CELF4: variants seen among roughly 807,000 people sequenced by gnomAD.
CELF4 encodes the protein CUG-BP- and ETR-3-like factor 4.
CELF4 carries 18 observed loss-of-function variants against 59.9 expected under a neutral mutation model. The observed-to-expected ratio is 0.30, with a 90% CI of 0.21 to 0.45. CELF4 has a LOEUF of 0.45. Ranked by LOEUF, CELF4 falls within the 20% of genes least tolerant of loss-of-function variation. The pLI, the probability that CELF4 is intolerant of heterozygous loss-of-function variation, is 1.00. For missense variants in CELF4, 456 were observed against 689.0 expected, an observed-to-expected ratio of 0.66 and a Z score of 3.79; for synonymous variants, 261 against 267.1, an observed-to-expected ratio of 0.98 and a Z score of 0.22.
In CELF4 at chr18:37,419,438, G is replaced by A. The variant is rs145594882; in HGVS notation, c.369+66087C>T. Among the ~76,000 whole-genome samples the A allele has an allele frequency of 2.2e-3, 334 of 152,280 alleles. 7 individuals carry two copies. Among genetic ancestry groups the A allele is most frequent in the Admixed American group, 0.019 (285 of 15,304 alleles). On this transcript the variant is annotated intron_variant, in intron 2 of 12. Coordinates refer to ENST00000420428, the MANE Select transcript of CELF4 (RefSeq NM_020180.4). ...CCAGAGTTGAGGTATGCGACTGCAG[G>A]GAAACCTCACCCCCTGAGCACCTGC...
chr18:37,349,393 G>A (rs1020610559), intron 2 of CELF4, among the ~76,000 whole-genome samples: 6 of 152,218 alleles, frequency 3.9e-5, no homozygotes, highest in African/African-American at 1.2e-4. Flanking sequence ...GAGATGCGAT[G>A]CCTTCCCTAC....
intron 10 of CELF4, among the ~76,000 whole-genome samples, chr18:37,261,659 G>A (rs2154307794): frequency 6.6e-6 from 1 of 152,370 alleles, no homozygotes; most frequent in South Asian, 2.1e-4. Flanking sequence ...CCAGCCTTCT[G>A]AGAAATGGTG....
chr18:37,466,967 G>A (rs2099810677), intron 2 of CELF4, among the ~76,000 whole-genome samples: 1 of 152,178 alleles, frequency 6.6e-6, no homozygotes, highest in African/African-American at 2.4e-5. Flanking sequence ...ACGGGTGGGG[G>A]AGTCAGAAGC....
intron 3 of CELF4, among the ~76,000 whole-genome samples, chr18:37,293,450 C>T (rs75638940): frequency 0.029 from 4,341 of 152,262 alleles, 202 homozygotes; most frequent in African/African-American, 0.1. Context: ...TTTCTTTCCT[C>T]TTCTAAGGAT....
At chr18:37,540,939 A>G (rs2099977344) in intron 1 of CELF4, among the ~76,000 whole-genome samples, 1 of 150,936 alleles carries the variant, frequency 6.6e-6, no homozygotes, top group African/African-American at 2.4e-5. Context: ...CTGGAGGTGG[A>G]GTGGGGGCAT....
At chr18:37,318,653 G>A (rs1392769438) in intron 3 of CELF4, among the ~76,000 whole-genome samples, 1 of 120,296 alleles carries the variant, frequency 8.3e-6, no homozygotes, top group Non-Finnish European at 1.5e-5. Context: ...ACTTTCTACT[G>A]CAAGAAGAAT....
At chr18:37,564,436 A>G (rs2154606418) in intron 1 of CELF4, among the ~76,000 whole-genome samples, 1 of 152,234 alleles carries the variant, frequency 6.6e-6, no homozygotes, top group East Asian at 1.9e-4. Flanking sequence ...CACTTTCCTA[A>G]AAAGTTGCTG....
intron 2 of CELF4, among the ~76,000 whole-genome samples, chr18:37,425,454 C>T (rs2099606024): frequency 1.3e-5 from 2 of 152,346 alleles, no homozygotes; most frequent in Admixed American, 1.3e-4. Flanking sequence ...AGGAAGCCCT[C>T]CTGGCTCCCA....
chr18:37,525,427 C>G (rs535674105), intron 1 of CELF4, among the ~76,000 whole-genome samples: 1 of 152,256 alleles, frequency 6.6e-6, no homozygotes, highest in East Asian at 1.9e-4. Context: ...GGGTGGCCTT[C>G]TGGGTTGTGG....
intron 2 of CELF4, among the ~76,000 whole-genome samples, chr18:37,476,128 C>G (rs2099848258): frequency 1.3e-5 from 2 of 152,272 alleles, no homozygotes; most frequent in Non-Finnish European, 2.9e-5. Context: ...TGATTTCTAG[C>G]AATCCACAGC....
chr18:37,565,587 T>C lies in CELF4; in HGVS notation c.55A>G (p.Ser19Gly). Residue 19 changes from serine to glycine, a missense_variant, in exon 1 of 13, where the codon AGT becomes GGT. Coordinates refer to ENST00000420428, the MANE Select transcript of CELF4 (RefSeq NM_020180.4). Reference sequence around the variant, plus strand: ...GGGCTGCTGCCGAGCCCGTTGGTACTGAGGCTTGCGTTGTCAGCCTGTCCG... The same window carrying C: ...GGGCTGCTGCCGAGCCCGTTGGTACCGAGGCTTGCGTTGTCAGCCTGTCCG... Reference protein sequence around the residue: ...ANGQADNASLSTNGLGSSPGS... With the variant: ...ANGQADNASLGTNGLGSSPGS... The C allele has an allele frequency of 6.2e-7, 1 of 1,612,902 alleles. No homozygotes were observed. Among genetic ancestry groups the C allele is most frequent in the Non-Finnish European group, 8.5e-7 (1 of 1,179,176 alleles).
intron 2 of CELF4, among the ~76,000 whole-genome samples, chr18:37,451,621 C>G (rs1377011851): frequency 6.6e-6 from 1 of 152,174 alleles, no homozygotes. Flanking sequence ...GGCATCCGAG[C>G]TGGGCCACAC....
At chr18:37,417,786 G>T (rs1420948348) in intron 2 of CELF4, among the ~76,000 whole-genome samples, 1 of 152,194 alleles carries the variant, frequency 6.6e-6, no homozygotes, top group Non-Finnish European at 1.5e-5. Flanking sequence ...CCATCCAGAT[G>T]TCCTGTAGCT....
intron 1 of CELF4, among the ~76,000 whole-genome samples, chr18:37,534,483 G>A (rs1253391688): frequency 1.3e-5 from 2 of 152,106 alleles, no homozygotes; most frequent in Admixed American, 6.5e-5. Context: ...ATAGCAGACC[G>A]TACACTATTT....
At chr18:37,322,127 C>T (rs2097146015) in intron 2 of CELF4, among the ~76,000 whole-genome samples, 1 of 152,244 alleles carries the variant, frequency 6.6e-6, no homozygotes, top group East Asian at 1.9e-4. Flanking sequence ...GAGATGCCTC[C>T]TCCTCCTACT....
intron 1 of CELF4, among the ~76,000 whole-genome samples, chr18:37,537,385 T>C (rs1361717597): frequency 6.6e-6 from 1 of 152,206 alleles, no homozygotes; most frequent in African/African-American, 2.4e-5. Context: ...TGGTGCTCTC[T>C]ATCCAAGAGA....
In CELF4 at chr18:37,254,696, C is replaced by T. The variant is rs1362727437; in HGVS notation, c.1334-758G>A. On this transcript the variant is annotated intron_variant, in intron 11 of 12. Coordinates refer to ENST00000420428, the MANE Select transcript of CELF4 (RefSeq NM_020180.4). The surrounding 1 kb of genome is among the most constrained non-coding windows in gnomAD (Gnocchi z 5.1). ...ACAAGACCATCAGTGCAAATCAGGC[C>T]ACAGCCCTCCGTGCAGAAGCGCTTC... 1.3e-5 allele frequency among the ~76,000 whole-genome samples: 2 copies of T among 152,252 alleles called. No homozygotes were observed. The highest frequency in any genetic ancestry group is 2.9e-5 in the Non-Finnish European group (2 of 68,048).
intron 2 of CELF4, among the ~76,000 whole-genome samples, chr18:37,409,437 G>C (rs965333042): frequency 1.3e-5 from 2 of 152,198 alleles, no homozygotes; most frequent in African/African-American, 2.4e-5. Flanking sequence ...TACTGCAGAG[G>C]AGGTTGCTGT....
intron 2 of CELF4, among the ~76,000 whole-genome samples, chr18:37,374,759 C>G (rs1421886103): frequency 6.6e-6 from 1 of 152,200 alleles, no homozygotes; most frequent in African/African-American, 2.4e-5. Context: ...AAGCATTGTC[C>G]TTACCCAGCA....
Sources: gnomAD v4.1 joint callset for allele counts (sites outside exome capture counted in the v4.1 genomes callset) on GRCh38, gnomAD v4.1.1 for gene constraint, Gnocchi (gnomAD v3.1) non-coding constraint, MANE v1.5 for transcripts, NCBI Gene and HGNC (gene_info 2026-07-23, HGNC 2026-07-21) for gene names.